ATL2: variants seen among roughly 807,000 people sequenced by gnomAD.
ATL2 encodes the protein atlastin-2.
In ATL2, 31 loss-of-function variants were observed where a neutral mutation model predicts 73.9. That is an observed-to-expected ratio of 0.42 (90% CI 0.32 to 0.57). The LOEUF (loss-of-function observed/expected upper bound fraction) is 0.57, where lower values mean the gene tolerates loss of function less well. Ranked by LOEUF, ATL2 falls within the 20% of genes least tolerant of loss-of-function variation. ATL2 has a pLI of 0.14. For synonymous variants in ATL2, 291 were observed against 237.5 expected (o/e 1.23, Z -2.07); for missense variants, 738 against 702.6 (o/e 1.05, Z -0.57).
At chr2:38,311,925 T>G (rs1010172726) in intron 7 of ATL2, among the ~76,000 whole-genome samples, 3 of 152,356 alleles carry the variant, frequency 2.0e-5, no homozygotes, top group African/African-American at 7.2e-5. Context: ...CAGAAAATGC[T>G]GATGACTGAA....
upstream of ATL2, chr2:38,377,388 C>T (rs974225888): frequency 2.7e-5 from 20 of 727,780 alleles, no homozygotes; most frequent in South Asian, 3.8e-5. Context: ...CCTCGCCCTC[C>T]GCCTGTATCT....
chr2:38,305,172 T>C (rs1004811443), intron 9 of ATL2, among the ~76,000 whole-genome samples: 4 of 152,114 alleles, frequency 2.6e-5, no homozygotes, highest in Admixed American at 6.6e-5. Flanking sequence ...GATATAACAA[T>C]TGTAAATATA....
chr2:38,328,283 G>T (rs1282051219), intron 2 of ATL2, among the ~76,000 whole-genome samples: 1 of 152,142 alleles, frequency 6.6e-6, no homozygotes, highest in Non-Finnish European at 1.5e-5. Flanking sequence ...CCAGCAAGTA[G>T]AAATCCAATA....
intron 1 of ATL2, among the ~76,000 whole-genome samples, chr2:38,375,388 G>A (rs1008715620): frequency 1.4e-4 from 21 of 152,176 alleles, no homozygotes; most frequent in Admixed American, 1.4e-3. Context: ...GCTATCAAGT[G>A]AAGGTCTTGC....
chr2:38,310,885 C>T (rs995915417), intron 7 of ATL2, among the ~76,000 whole-genome samples: 36 of 152,164 alleles, frequency 2.4e-4, no homozygotes, highest in Non-Finnish European at 4.4e-4. Flanking sequence ...CCTCGGCCTC[C>T]CAAAGTGCTG....
rs374786147 is a variant in ATL2, at chr2:38,315,279, C to A, written c.654+5G>T. The stretch of plus-strand genomic sequence containing the variant: ...AAAATAAAAATTAAAAAAAGAAATA[C>A]GTACTTGCAAATGTTGAAGATCATC... On this transcript the variant is annotated splice_donor_5th_base_variant and intron_variant, in intron 5 of 12. Transcript: ENST00000378954. 1.3e-6 allele frequency: 2 copies of A among 1,482,870 alleles called. No homozygotes were observed. The highest frequency in any genetic ancestry group is 1.8e-4 in the Middle Eastern group (1 of 5,608). The allele number at this position is 1,482,870 out of a possible 1,614,324, so 91.9% of individuals were successfully genotyped here.
intron 1 of ATL2, among the ~76,000 whole-genome samples, chr2:38,374,286 T>C (rs1449453546): frequency 6.6e-6 from 1 of 152,208 alleles, no homozygotes; most frequent in Non-Finnish European, 1.5e-5. Context: ...ACTACTAAAG[T>C]AATGAATTCA....
At chr2:38,324,862 T>C (rs1668509372) in intron 2 of ATL2, among the ~76,000 whole-genome samples, 1 of 152,150 alleles carries the variant, frequency 6.6e-6, no homozygotes, top group South Asian at 2.1e-4. Context: ...AGTAGAATGG[T>C]GGATGCCAGG....
chr2:38,365,168 TACACAC>T lies in ATL2; in HGVS notation c.118+11969_118+11974del, dbSNP rs143111604. ...ACACACACACACACACACACACAAATACACACACACACACACACACAAATACACACA... is the reference window on the plus strand; with the variant it reads ...ACACACACACACACACACACACAAATACACACACACACACAAATACACACA... On this transcript the variant is annotated intron_variant, in intron 1 of 12. Coordinates refer to ENST00000378954, the MANE Select transcript of ATL2 (RefSeq NM_001135673.4). Among the ~76,000 whole-genome samples the T allele has an allele frequency of 6.9e-4, 94 of 135,370 alleles. 1 individual carries two copies. Among genetic ancestry groups the T allele is most frequent in the African/African-American group, 1.8e-3 (65 of 36,664 alleles). The allele number at this position is 135,370 out of a possible 152,430, so 88.8% of individuals were successfully genotyped here.
chr2:38,373,604 C>CA (rs1196607987), intron 1 of ATL2, among the ~76,000 whole-genome samples: 6 of 152,180 alleles, frequency 3.9e-5, no homozygotes, highest in African/African-American at 7.2e-5. Flanking sequence ...CCATTTGTCT[C>CA]AGAGTAGGTA....
chr2:38,342,513 G>C, intron 2 of ATL2, among the ~76,000 whole-genome samples: 1 of 152,140 alleles, frequency 6.6e-6, no homozygotes, highest in East Asian at 1.9e-4. Context: ...TTTGACATAT[G>C]AAGGGCAAGA....
At chr2:38,328,957 G>A (rs1016062720) in intron 2 of ATL2, among the ~76,000 whole-genome samples, 5 of 151,534 alleles carry the variant, frequency 3.3e-5, no homozygotes, top group African/African-American at 4.8e-5. Flanking sequence ...AGACAAACTA[G>A]TATCAGAAAT....
At chr2:38,303,910 C>T (rs904360559) in intron 9 of ATL2, among the ~76,000 whole-genome samples, 2 of 152,034 alleles carry the variant, frequency 1.3e-5, no homozygotes, top group East Asian at 3.9e-4. Flanking sequence ...GGTGGGGGAA[C>T]TGCCTGACCC....
intron 1 of ATL2, among the ~76,000 whole-genome samples, chr2:38,369,044 TATTTTTA>T (rs1238940938): frequency 6.6e-6 from 1 of 152,256 alleles, no homozygotes; most frequent in East Asian, 1.9e-4. Context: ...TGTTGGCATT[TATTTTTA>T]ATTAACACCC....
chr2:38,300,179 C>T (rs1471503880), intron 10 of ATL2, 93 bp downstream of exon 10: 1 of 1,117,030 alleles, frequency 9.0e-7, no homozygotes, highest in East Asian at 2.4e-5. Context: ...AAAAAGCACC[C>T]CCCATTTTCA....
intron 2 of ATL2, among the ~76,000 whole-genome samples, chr2:38,327,765 G>C (rs958420232): frequency 6.6e-6 from 1 of 152,034 alleles, no homozygotes; most frequent in Non-Finnish European, 1.5e-5. Context: ...GGGAAACCCC[G>C]TCTCTATTCA....
At chr2:38,343,988 T>C (rs151276003) in intron 1 of ATL2, among the ~76,000 whole-genome samples, 3 of 152,144 alleles carry the variant, frequency 2.0e-5, no homozygotes, top group African/African-American at 7.2e-5. Flanking sequence ...CCATTAAACC[T>C]CTTTCTTTTG....
chr2:38,301,166 C>A (rs574682567), intron 9 of ATL2, among the ~76,000 whole-genome samples: 1 of 152,110 alleles, frequency 6.6e-6, no homozygotes, highest in Admixed American at 6.5e-5. Context: ...GACGGGGTTT[C>A]ACCACGTTGG....
intron 1 of ATL2, among the ~76,000 whole-genome samples, chr2:38,355,039 T>C (rs888514475): frequency 1.3e-5 from 2 of 152,064 alleles, no homozygotes; most frequent in African/African-American, 4.8e-5. Flanking sequence ...CTAAATTCAA[T>C]AATTACATCA....
Sources: gnomAD v4.1 joint callset for allele counts (sites outside exome capture counted in the v4.1 genomes callset) on GRCh38, gnomAD v4.1.1 for gene constraint, MANE v1.5 for transcripts, NCBI Gene and HGNC (gene_info 2026-07-23, HGNC 2026-07-21) for gene names.